NCAM1: variants seen among roughly 807,000 people sequenced by gnomAD.
The protein encoded by NCAM1 is antigen recognized by monoclonal antibody 5.1H11.
A neutral mutation model predicts 109.8 loss-of-function variants in NCAM1; 14 were observed. That is an observed-to-expected ratio of 0.13 (90% confidence interval 0.08 to 0.20). NCAM1 has a LOEUF of 0.20. Among genes scored for constraint, NCAM1 ranks in the 10% least tolerant of loss-of-function variants. The probability of loss-of-function intolerance (pLI) is 1.00; values close to 1 mark genes in which losing one functional copy is unlikely to be tolerated. For synonymous variants in NCAM1, 418 were observed against 442.9 expected (o/e 0.94, Z 0.70); for missense variants, 774 against 1,109.9 (o/e 0.70, Z 4.30).
At chr11:113,239,366 A>T (rs961329547) in intron 14 of NCAM1, among the ~76,000 whole-genome samples, 18 of 152,142 alleles carry the variant, frequency 1.2e-4, no homozygotes, top group Non-Finnish European at 2.4e-4. Context: ...CTAGCTAGGA[A>T]TCTTCCCCTC....
intron 17 of NCAM1, chr11:113,263,002 C>G (rs529178339): frequency 2.6e-6 from 4 of 1,554,090 alleles, no homozygotes; most frequent in Admixed American, 3.9e-5. Context: ...TTGGAAGAAC[C>G]TGGCAGGACC....
In NCAM1 at chr11:113,275,334, A is replaced by C; in HGVS notation, c.2524A>C (p.Lys842Gln). 1 of 1,613,738 alleles carries C rather than the reference A, an allele frequency of 6.2e-7. No individual in the cohort carries two copies. The highest frequency in any genetic ancestry group is 8.5e-7 in the Non-Finnish European group (1 of 1,179,798). The change falls in exon 20 of 20, where the codon AAG becomes CAG. Residue 842 changes from lysine to glutamine, a missense_variant. By Grantham distance (53) the Lys-to-Gln change is moderately conservative. Coordinates refer to ENST00000316851, the MANE Select transcript of NCAM1 (RefSeq NM_181351.5). ...TETKPAPAEV[K>Q]TVPNDATQTK... ...AACGAAGCCAGCGCCAGCCGAAGTC[A>C]AGACGGTCCCCAATGACGCCACACA...
intron 8 of NCAM1, among the ~76,000 whole-genome samples, chr11:113,216,451 C>T (rs972380786): frequency 1.8e-4 from 27 of 152,276 alleles, no homozygotes; most frequent in Middle Eastern, 3.4e-3. Context: ...CGCGCCCGGC[C>T]GATTTCATTT....
At chr11:112,993,810 T>C (rs1482663928) in intron 1 of NCAM1, among the ~76,000 whole-genome samples, 5 of 152,238 alleles carry the variant, frequency 3.3e-5, no homozygotes, top group African/African-American at 1.2e-4. Flanking sequence ...TATGAAGAAT[T>C]ATTACAGTTT....
chr11:113,061,061 C>T (rs566585368), intron 1 of NCAM1, among the ~76,000 whole-genome samples: 11 of 152,162 alleles, frequency 7.2e-5, no homozygotes, highest in Non-Finnish European at 1.2e-4. Context: ...CAACACCTCT[C>T]CATTTCCTCC....
At chr11:113,158,567 A>G (rs1367036427) in intron 1 of NCAM1, among the ~76,000 whole-genome samples, 1 of 152,080 alleles carries the variant, frequency 6.6e-6, no homozygotes, top group Non-Finnish European at 1.5e-5. Context: ...TTGTCCCTCC[A>G]TCTTTGTTGC....
intron 1 of NCAM1, among the ~76,000 whole-genome samples, chr11:113,156,009 A>G (rs1372866934): frequency 6.6e-6 from 1 of 151,630 alleles, no homozygotes; most frequent in African/African-American, 2.4e-5. Flanking sequence ...CAGACCAGTT[A>G]CAACACTGGT....
chr11:113,039,353 T>C (rs1320161598), intron 1 of NCAM1, among the ~76,000 whole-genome samples: 2 of 152,202 alleles, frequency 1.3e-5, no homozygotes, highest in Non-Finnish European at 2.9e-5. Context: ...ACCTCTGTAA[T>C]GCGGGAAGAT....
At chr11:113,085,819 T>C (rs1962881) in intron 1 of NCAM1, among the ~76,000 whole-genome samples, 29,742 of 152,164 alleles carry the variant, frequency 0.2, 3,180 homozygotes, top group East Asian at 0.48. Flanking sequence ...ACTGAATGGA[T>C]ACCTTTTGGG....
At chr11:113,154,759 G>A (rs1400724063) in intron 1 of NCAM1, among the ~76,000 whole-genome samples, 2 of 152,150 alleles carry the variant, frequency 1.3e-5, no homozygotes, top group Non-Finnish European at 2.9e-5. Context: ...CTGAGAGATG[G>A]GACAGAATTG....
chr11:113,172,961 T>C (rs1181849361), intron 1 of NCAM1, among the ~76,000 whole-genome samples: 1 of 152,232 alleles, frequency 6.6e-6, no homozygotes, highest in African/African-American at 2.4e-5. Context: ...CATGATGTTG[T>C]CAAGTTTTAC....
intron 1 of NCAM1, among the ~76,000 whole-genome samples, chr11:112,993,030 A>G (rs1951505658): frequency 6.6e-6 from 1 of 152,166 alleles, no homozygotes; most frequent in South Asian, 2.1e-4. Context: ...GTCTGTCAGT[A>G]TTTATGATTC....
At chr11:113,047,654 T>C (rs895975949) in intron 1 of NCAM1, among the ~76,000 whole-genome samples, 10 of 152,086 alleles carry the variant, frequency 6.6e-5, no homozygotes, top group African/African-American at 2.4e-4. Context: ...ACTGGGTAAT[T>C]TAGAAAGGAA....
intron 3 of NCAM1, 55 bp downstream of exon 3, chr11:113,204,559 T>A: frequency 2.0e-6 from 3 of 1,531,728 alleles, no homozygotes; most frequent in South Asian, 1.2e-5. Flanking sequence ...CAAGGAGACA[T>A]GTGGGTAGTG....
At chr11:113,023,483 C>T (rs1327672646) in intron 1 of NCAM1, among the ~76,000 whole-genome samples, 1 of 152,150 alleles carries the variant, frequency 6.6e-6, no homozygotes, top group African/African-American at 2.4e-5. Context: ...ATTTTTCATT[C>T]ATTTCAATGA....
At chr11:112,990,751 T>A (rs377024438) in intron 1 of NCAM1, among the ~76,000 whole-genome samples, 2 of 152,112 alleles carry the variant, frequency 1.3e-5, no homozygotes, top group East Asian at 3.9e-4. Context: ...TGTAGCTGAG[T>A]CCACAGGAGT....
At chr11:112,997,341 TATTA>T (rs1272393955) in intron 1 of NCAM1, among the ~76,000 whole-genome samples, 2 of 152,186 alleles carry the variant, frequency 1.3e-5, no homozygotes, top group Non-Finnish European at 2.9e-5. Context: ...TTACATAGTA[TATTA>T]ATTCACCGCA....
At chr11:113,023,031 G>A (rs1386837125) in intron 1 of NCAM1, among the ~76,000 whole-genome samples, 1 of 152,204 alleles carries the variant, frequency 6.6e-6, no homozygotes, top group Admixed American at 6.5e-5. Flanking sequence ...TAGCTGAGTA[G>A]CAGTATACCT....
chr11:113,275,257 T>G lies in NCAM1; in HGVS notation c.2457-10T>G. ...GGTCTCAGTGGTTCTGTTTTCCTGA[T>G]TCTCTGCAGGAAGGGCCCCGTAGAA... On this transcript the variant is annotated splice_polypyrimidine_tract_variant and intron_variant, in intron 19 of 19. Transcript: ENST00000316851. 6.2e-7 allele frequency: 1 copy of G among 1,613,502 alleles called. No homozygotes were observed. The highest frequency in any genetic ancestry group is 8.5e-7 in the Non-Finnish European group (1 of 1,179,744).
Sources: gnomAD v4.1 joint callset for allele counts (sites outside exome capture counted in the v4.1 genomes callset) on GRCh38, gnomAD v4.1.1 for gene constraint, MANE v1.5 for transcripts, NCBI Gene and HGNC (gene_info 2026-07-23, HGNC 2026-07-21) for gene names.